Variants in PRH1 observed in about 807,000 individuals in gnomAD.
PRH1 encodes salivary acidic proline-rich phosphoprotein 1/2.
In PRH1, 7 loss-of-function variants were observed where a neutral mutation model predicts 7.9. The observed-to-expected ratio is 0.89, with a 90% CI of 0.50 to 1.67. PRH1 has a LOEUF of 1.67. PRH1 is among the 40% of genes most tolerant of loss of function. The probability of loss-of-function intolerance (pLI) is 0.00; values close to 1 mark genes in which losing one functional copy is unlikely to be tolerated. For missense variants in PRH1, 109 were observed against 223.6 expected (o/e 0.49, Z 3.27); for synonymous variants, 45 against 80.8 (o/e 0.56, Z 2.38).
intron 1 of PRH1, among the ~76,000 whole-genome samples, chr12:10,976,093 G>T (rs1309664578): frequency 6.6e-6 from 1 of 152,024 alleles, no homozygotes; most frequent in African/African-American, 2.4e-5. Flanking sequence ...CCACAGAACA[G>T]TTCACCCCAA....
chr12:11,134,710 A>G (rs1465909549), intron 1 of PRH1: 1 of 160,270 alleles, frequency 6.2e-6, no homozygotes, highest in East Asian at 1.8e-4. Flanking sequence ...AAAATCTTAA[A>G]GGGAGCTTGA....
At chr12:10,987,867 C>T (rs1052038702) in intron 1 of PRH1, among the ~76,000 whole-genome samples, 1 of 152,012 alleles carries the variant, frequency 6.6e-6, no homozygotes, top group African/African-American at 2.4e-5. Context: ...TTGCAGTATC[C>T]TCCCACCATA....
chr12:11,168,394 AAGAAAGAAAGAAAGAAAGAAAG>A (rs1310043820), intron 1 of PRH1, among the ~76,000 whole-genome samples: 3 of 98,984 alleles, frequency 3.0e-5, no homozygotes, highest in Non-Finnish European at 7.1e-5. Context: ...GAAAGAAAGA[AAGAAAGAAAGAAAGAAAGAAAG>A]AAAGGAAAAG....
chr12:11,131,305 C>T (rs1193120905), intron 1 of PRH1, among the ~76,000 whole-genome samples: 3 of 145,952 alleles, frequency 2.1e-5, no homozygotes, highest in Non-Finnish European at 4.6e-5. Context: ...TCTCTCTCAC[C>T]TCACTGTGAA....
chr12:11,045,819 TTGA>T (rs1268784980), intron 1 of PRH1, among the ~76,000 whole-genome samples: 3 of 152,126 alleles, frequency 2.0e-5, no homozygotes, highest in African/African-American at 7.2e-5. Context: ...ATTCAGTGAG[TTGA>T]TGAAAATCTT....
chr12:11,168,734 GA>G (rs1413067219), intron 1 of PRH1, among the ~76,000 whole-genome samples: 1 of 152,068 alleles, frequency 6.6e-6, no homozygotes, highest in Admixed American at 6.6e-5. Flanking sequence ...TATAAAAGCT[GA>G]AAAACAGTAC....
intron 1 of PRH1, among the ~76,000 whole-genome samples, chr12:11,060,888 A>G (rs1385666752): frequency 1.3e-5 from 2 of 152,292 alleles, no homozygotes; most frequent in African/African-American, 4.8e-5. Context: ...CTTACCATCC[A>G]AAAAGTTACA....
chr12:10,911,774 C>T (rs1004657836), intron 2 of PRH1, among the ~76,000 whole-genome samples: 3 of 152,064 alleles, frequency 2.0e-5, no homozygotes, highest in East Asian at 1.9e-4. Flanking sequence ...AAATATAGAA[C>T]ATTTAATGAA....
At chr12:10,927,827 G>A (rs746061183) in intron 2 of PRH1, among the ~76,000 whole-genome samples, 3 of 152,158 alleles carry the variant, frequency 2.0e-5, no homozygotes, top group East Asian at 3.9e-4. Flanking sequence ...GCCTACACAA[G>A]GTCTGAAATG....
chr12:11,091,831 C>A, intron 1 of PRH1: 1 of 1,499,780 alleles, frequency 6.7e-7, no homozygotes, highest in Non-Finnish European at 9.2e-7. Context: ...AAGGCCCCAA[C>A]AACATCACCA....
chr12:11,043,990 C>T (rs1045865970), intron 1 of PRH1, among the ~76,000 whole-genome samples: 1 of 151,968 alleles, frequency 6.6e-6, no homozygotes, highest in Non-Finnish European at 1.5e-5. Context: ...CCAAAAGTAT[C>T]CTAAGAAAAA....
At chr12:11,155,760 G>A (rs1359448272) in intron 1 of PRH1, among the ~76,000 whole-genome samples, 1 of 151,782 alleles carries the variant, frequency 6.6e-6, no homozygotes, top group African/African-American at 2.4e-5. Context: ...TAATTTATAG[G>A]TATTTGAGCT....
chr12:11,050,020 C>A (rs1324891572), upstream of PRH1, among the ~76,000 whole-genome samples: 1 of 149,614 alleles, frequency 6.7e-6, no homozygotes, highest in Non-Finnish European at 1.5e-5. Flanking sequence ...AGTCATATTC[C>A]ACTCAGGGTT....
At chr12:10,989,415 CT>C (rs1939814965) in intron 1 of PRH1, among the ~76,000 whole-genome samples, 1 of 151,962 alleles carries the variant, frequency 6.6e-6, no homozygotes, top group Non-Finnish European at 1.5e-5. Context: ...TATGACCATT[CT>C]TTCATATATC....
chr12:10,891,754 C>T lies in PRH1; in HGVS notation c.-58-7479G>A, dbSNP rs142237728. 14 of 152,324 alleles carry T rather than the reference C, an allele frequency of 9.2e-5. No individual in the cohort carries two copies. The East Asian group carries it at 1.7e-3, about 19-fold the overall frequency. 9.4% of individuals were successfully genotyped at this position (152,324 alleles called of 1,614,324 possible). A position where few individuals can be genotyped will look rare whatever the true frequency, so the allele number is the denominator to read the frequency against. ...TACTATTTCTTCAAGCTTCAGTCCC[C>T]TCACAGGGATAAGATGAGAAACTGA... On this transcript the variant is annotated intron_variant, in intron 2 of 3. Coordinates refer to the PRH1 transcript ENST00000539853.
At chr12:10,923,938 T>C (rs987975323) in intron 2 of PRH1, among the ~76,000 whole-genome samples, 2 of 152,042 alleles carry the variant, frequency 1.3e-5, no homozygotes, top group Non-Finnish European at 2.9e-5. Flanking sequence ...TTTTCACTCT[T>C]TTTTTGCTTT....
chr12:10,895,803 T>C (rs1315569040), intron 2 of PRH1: 1 of 152,206 alleles, frequency 6.6e-6, no homozygotes, highest in Non-Finnish European at 1.5e-5. Context: ...ACCAATACAA[T>C]GAATCAATTT....
chr12:11,115,930 C>T (rs1945718808), downstream of PRH1, among the ~76,000 whole-genome samples: 1 of 151,826 alleles, frequency 6.6e-6, no homozygotes, highest in South Asian at 2.1e-4. Context: ...CTATAAGGGC[C>T]TACATCAGAA....
At chr12:11,011,984 T>C (rs769946688) in intron 1 of PRH1, among the ~76,000 whole-genome samples, 10 of 152,164 alleles carry the variant, frequency 6.6e-5, no homozygotes, top group Non-Finnish European at 1.3e-4. Context: ...TTTCAATATT[T>C]ATAAACTTGT....
Sources: allele counts gnomAD v4.1 joint callset (sites outside exome capture counted in the v4.1 genomes callset), GRCh38; gene constraint gnomAD v4.1.1; transcripts MANE v1.5; gene names NCBI Gene and HGNC (gene_info 2026-07-23, HGNC 2026-07-21).